Variants in ZNF521 observed in about 807,000 individuals in gnomAD.
ZNF521 encodes LYST-interacting protein 3.
A neutral mutation model predicts 105.5 loss-of-function variants in ZNF521; 14 were observed. The observed-to-expected ratio is 0.13, with a 90% CI of 0.09 to 0.21. The LOEUF is 0.21. Among genes scored for constraint, ZNF521 ranks in the 10% least tolerant of loss-of-function variants. ZNF521 has a pLI of 1.00. For missense variants in ZNF521, 1,233 were observed against 1,629.7 expected (o/e 0.76, Z 4.19); for synonymous variants, 635 against 606.0 (o/e 1.05, Z -0.70).
intron 3 of ZNF521, among the ~76,000 whole-genome samples, chr18:25,271,637 T>C (rs1440254983): frequency 6.6e-6 from 1 of 152,178 alleles, no homozygotes; most frequent in Non-Finnish European, 1.5e-5. Context: ...ATCTCATCTT[T>C]GACAAACCTG....
chr18:25,100,198 G>A (rs544067300), intron 5 of ZNF521, among the ~76,000 whole-genome samples: 2 of 151,852 alleles, frequency 1.3e-5, no homozygotes, highest in Admixed American at 1.3e-4. Context: ...TAGAAAGCAC[G>A]GCTTGCTACT....
intron 4 of ZNF521, among the ~76,000 whole-genome samples, chr18:25,198,500 AAAT>A (rs1385319635): frequency 6.6e-6 from 1 of 151,856 alleles, no homozygotes; most frequent in East Asian, 1.9e-4. Flanking sequence ...AAGTAATTTA[AAAT>A]AATAATTATT....
chr18:25,172,617 A>G (rs932627978), intron 5 of ZNF521, among the ~76,000 whole-genome samples: 2 of 152,194 alleles, frequency 1.3e-5, no homozygotes, highest in African/African-American at 4.8e-5. Flanking sequence ...CTAAGCACCC[A>G]GGTACTGTGG....
At chr18:25,153,937 C>G (rs1216551890) in intron 5 of ZNF521, among the ~76,000 whole-genome samples, 1 of 152,086 alleles carries the variant, frequency 6.6e-6, no homozygotes, top group Non-Finnish European at 1.5e-5. Context: ...ATTTCCAGTT[C>G]TAATGTCAAT....
intron 4 of ZNF521, among the ~76,000 whole-genome samples, chr18:25,214,253 T>A (rs1381735161): frequency 1.3e-5 from 2 of 152,170 alleles, no homozygotes; most frequent in Non-Finnish European, 2.9e-5. Flanking sequence ...GCATTCTTTT[T>A]ATAGTTATTT....
chr18:25,182,929 T>C (rs890348329), intron 5 of ZNF521, among the ~76,000 whole-genome samples: 1 of 152,202 alleles, frequency 6.6e-6, no homozygotes, highest in African/African-American at 2.4e-5. Context: ...ACCAACGTGA[T>C]GACAGTAATG....
chr18:25,099,225 A>G (rs376830806), intron 5 of ZNF521, among the ~76,000 whole-genome samples: 23 of 152,196 alleles, frequency 1.5e-4, no homozygotes, highest in African/African-American at 4.8e-4. Flanking sequence ...AGCAAACCCT[A>G]TATTTAATTT....
At chr18:25,223,898 C>T (rs75155057) in intron 4 of ZNF521, 12 of 229,258 alleles carry the variant, frequency 5.2e-5, no homozygotes, top group African/African-American at 2.4e-4. Context: ...AAAAGCCACC[C>T]CTACCCAATT....
intron 5 of ZNF521, among the ~76,000 whole-genome samples, chr18:25,187,110 A>T (rs184406267): frequency 6.6e-6 from 1 of 152,266 alleles, no homozygotes; most frequent in Admixed American, 6.5e-5. Flanking sequence ...TAAGTTAGAT[A>T]AACCGCTAGA....
chr18:25,213,374 TAC>T (rs1004194018), intron 4 of ZNF521, among the ~76,000 whole-genome samples: 3 of 151,692 alleles, frequency 2.0e-5, no homozygotes, highest in African/African-American at 7.3e-5. Flanking sequence ...ATATGTTAAA[TAC>T]AGTTTTTCCA....
Position 25,090,091 on chromosome 18 carries a change from T to C in ZNF521, c.3791-511A>G, listed in dbSNP as rs2033711262. 2.6e-5 allele frequency among the ~76,000 whole-genome samples: 4 copies of C among 152,316 alleles called. No individual in the cohort carries two copies. In the South Asian group the frequency reaches 8.3e-4, roughly 32 times the overall value. On this transcript the variant is annotated intron_variant, in intron 6 of 7. Coordinates refer to ENST00000361524, the MANE Select transcript of ZNF521 (RefSeq NM_015461.3). ...GCAGGTAAATTCTCTTTGGATACTT[T>C]AAGATCAACTCAGCCTACACACTGA...
chr18:25,208,094 C>T (rs1183820179), intron 4 of ZNF521, among the ~76,000 whole-genome samples: 1 of 152,102 alleles, frequency 6.6e-6, no homozygotes, highest in Non-Finnish European at 1.5e-5. Flanking sequence ...TTTTAAAAGA[C>T]ATGTTGCAAT....
At chr18:25,212,315 G>T (rs1011426237) in intron 4 of ZNF521, among the ~76,000 whole-genome samples, 21 of 151,014 alleles carry the variant, frequency 1.4e-4, no homozygotes, top group East Asian at 1.4e-3. Flanking sequence ...TTCGAGACCA[G>T]CCTGGCCAAC....
intron 3 of ZNF521, among the ~76,000 whole-genome samples, chr18:25,308,785 T>C (rs896800790): frequency 2.0e-5 from 3 of 152,062 alleles, no homozygotes; most frequent in Admixed American, 6.6e-5. Context: ...TGCTGATGAA[T>C]GCATAGTGGT....
intron 2 of ZNF521, among the ~76,000 whole-genome samples, chr18:25,330,115 G>A (rs1913478529): frequency 6.6e-6 from 1 of 152,152 alleles, no homozygotes; most frequent in African/African-American, 2.4e-5. Context: ...ACAAAGAAGT[G>A]CCAAAGCTGG....
At chr18:25,184,065 T>C (rs2035678315) in intron 5 of ZNF521, among the ~76,000 whole-genome samples, 1 of 152,160 alleles carries the variant, frequency 6.6e-6, no homozygotes, top group Non-Finnish European at 1.5e-5. Context: ...ACATATTCAT[T>C]GAATCTGGAA....
At chr18:25,212,571 AG>A (rs1438245921) in intron 4 of ZNF521, among the ~76,000 whole-genome samples, 1 of 134,492 alleles carries the variant, frequency 7.4e-6, no homozygotes, top group Non-Finnish European at 1.6e-5. Context: ...ATATATGTAT[AG>A]AAACATATAT....
Position 25,150,782 on chromosome 18 carries a change from T to C in ZNF521, c.3658+44378A>G, listed in dbSNP as rs544375776. Among the ~76,000 whole-genome samples the C allele has an allele frequency of 4.6e-5, 7 of 152,306 alleles. No homozygotes were observed. The South Asian group carries it at 8.3e-4, about 18-fold the overall frequency. ...TCCATTTCCATTCCCATGGTTTTAGTTCTGATCCACCTCTAAATCTCTTGG... is the reference window on the plus strand; with the variant it reads ...TCCATTTCCATTCCCATGGTTTTAGCTCTGATCCACCTCTAAATCTCTTGG... On this transcript the variant is annotated intron_variant, in intron 5 of 7. Transcript: ENST00000361524.
At position 25,139,019 on chromosome 18, in the gene ZNF521, A is replaced by T. The variant is rs77992811; in HGVS notation, c.3659-46938T>A. Among the ~76,000 whole-genome samples the T allele has an allele frequency of 5.2e-3, 786 of 152,266 alleles. 7 individuals carry two copies. The highest frequency in any genetic ancestry group is 0.018 in the African/African-American group (756 of 41,548). On this transcript the variant is annotated intron_variant, in intron 5 of 7. Transcript: ENST00000361524. ...GCAAACTCTTTTCTATATCAAGAAG[A>T]ATCTATATGCCTGTTGGGTTGTTGA...
Sources: gnomAD v4.1 joint callset for allele counts (sites outside exome capture counted in the v4.1 genomes callset) on GRCh38, gnomAD v4.1.1 for gene constraint, MANE v1.5 for transcripts, NCBI Gene and HGNC (gene_info 2026-07-23, HGNC 2026-07-21) for gene names.